The following MIPOL1 variants were observed in gnomAD, a reference collection of about 807,000 sequenced individuals.
The protein encoded by MIPOL1 is mirror-image polydactyly gene 1 protein.
Under a neutral mutation model 60.9 loss-of-function variants are expected in MIPOL1, and 57 were observed. That is an observed-to-expected ratio of 0.94 (90% CI 0.76 to 1.17). The LOEUF (loss-of-function observed/expected upper bound fraction) is 1.17, where lower values mean the gene tolerates loss of function less well. MIPOL1 is among the 50% of genes most tolerant of loss of function. The pLI is 0.00. For missense variants in MIPOL1, 551 were observed against 511.6 expected, an observed-to-expected ratio of 1.08 and a Z score of -0.74; for synonymous variants, 179 against 168.8, an observed-to-expected ratio of 1.06 and a Z score of -0.47.
intron 10 of MIPOL1, chr14:37,400,100 T>A (rs1441167150): frequency 6.6e-6 from 1 of 152,096 alleles, no homozygotes; most frequent in African/African-American, 2.4e-5. Context: ...CAGAGGACAG[T>A]AATCTCACAC....
intron 11 of MIPOL1, among the ~76,000 whole-genome samples, chr14:37,435,787 A>C (rs189894150): frequency 9.4e-4 from 131 of 138,728 alleles, no homozygotes; most frequent in African/African-American, 3.5e-3. Context: ...TTTTATGTAC[A>C]TGTATTACTT....
At chr14:37,202,300 C>T (rs1396377706) in intron 1 of MIPOL1, among the ~76,000 whole-genome samples, 1 of 151,852 alleles carries the variant, frequency 6.6e-6, no homozygotes, top group Non-Finnish European at 1.5e-5. Flanking sequence ...TTAAGAGGGG[C>T]CTCACCTTCC....
chr14:37,451,809 T>TC (rs1491232865), intron 11 of MIPOL1, among the ~76,000 whole-genome samples: 1 of 1,004 alleles, frequency 1.0e-3, no homozygotes, highest in African/African-American at 1.5e-3. Flanking sequence ...TTATTCTCTC[T>TC]TTTTTTTTTT....
At chr14:37,455,456 C>A (rs889003616) in intron 11 of MIPOL1, among the ~76,000 whole-genome samples, 2 of 152,082 alleles carry the variant, frequency 1.3e-5, no homozygotes, top group Admixed American at 6.6e-5. Flanking sequence ...AGTTTTAAAG[C>A]CTTCTCATTA....
At chr14:37,368,411 G>A (rs1469633750) in intron 9 of MIPOL1, among the ~76,000 whole-genome samples, 1 of 152,080 alleles carries the variant, frequency 6.6e-6, no homozygotes, top group Non-Finnish European at 1.5e-5. Context: ...TGGGTCAGAG[G>A]CAGAAGAAAT....
chr14:37,546,748 C>T (rs1416687599), intron 12 of MIPOL1, among the ~76,000 whole-genome samples, 157 bp from the exon 13 acceptor site: 1 of 152,158 alleles, frequency 6.6e-6, no homozygotes, highest in Non-Finnish European at 1.5e-5. Flanking sequence ...ATACTTGGCA[C>T]TCTGTAGCAG....
chr14:37,500,698 G>A (rs2095203625), intron 12 of MIPOL1, among the ~76,000 whole-genome samples: 1 of 152,106 alleles, frequency 6.6e-6, no homozygotes, highest in Admixed American at 6.6e-5. Context: ...TAATCTGTCA[G>A]TCCTTTTGAC....
intron 9 of MIPOL1, among the ~76,000 whole-genome samples, chr14:37,311,635 T>C (rs2087334810): frequency 6.6e-6 from 1 of 152,186 alleles, no homozygotes; most frequent in African/African-American, 2.4e-5. Context: ...TAACTTTGAT[T>C]TTTTAAAAAT....
chr14:37,523,963 T>C (rs1186353927), intron 12 of MIPOL1, among the ~76,000 whole-genome samples: 2 of 152,224 alleles, frequency 1.3e-5, no homozygotes, highest in African/African-American at 4.8e-5. Flanking sequence ...AGCAAATAAC[T>C]TGGCTTGTTG....
At chr14:37,237,895 C>A (rs546974268) in intron 1 of MIPOL1, among the ~76,000 whole-genome samples, 4 of 152,230 alleles carry the variant, frequency 2.6e-5, no homozygotes, top group Admixed American at 6.5e-5. Flanking sequence ...TGCTCACTGA[C>A]TGTTATGGTT....
intron 12 of MIPOL1, among the ~76,000 whole-genome samples, chr14:37,516,104 A>C (rs1195453145): frequency 6.6e-6 from 1 of 152,194 alleles, no homozygotes; most frequent in Non-Finnish European, 1.5e-5. Flanking sequence ...GCAGATGGTC[A>C]CCTCCAGCCT....
At chr14:37,230,941 A>G (rs1208802344) in intron 1 of MIPOL1, among the ~76,000 whole-genome samples, 1 of 152,124 alleles carries the variant, frequency 6.6e-6, no homozygotes, top group Non-Finnish European at 1.5e-5. Context: ...ATTTTATTCC[A>G]TATATCTCTA....
chr14:37,430,467 C>T (rs1476026646), intron 11 of MIPOL1, among the ~76,000 whole-genome samples: 3 of 150,364 alleles, frequency 2.0e-5, no homozygotes, highest in Non-Finnish European at 1.5e-5. Flanking sequence ...TTATTGGTGA[C>T]TCTGGAATGT....
intron 6 of MIPOL1, among the ~76,000 whole-genome samples, chr14:37,281,858 A>G (rs1170957476): frequency 2.0e-5 from 3 of 152,200 alleles, no homozygotes; most frequent in Admixed American, 6.5e-5. Flanking sequence ...GAAGAATTAC[A>G]GTAGAATTTT....
intron 9 of MIPOL1, among the ~76,000 whole-genome samples, chr14:37,353,494 A>C (rs867621396): frequency 3.0e-4 from 46 of 152,136 alleles, no homozygotes; most frequent in African/African-American, 9.6e-4. Context: ...CCAGTTCCTC[A>C]TTGTACCTCT....
At chr14:37,313,537 A>T (rs1050414831) in intron 9 of MIPOL1, among the ~76,000 whole-genome samples, 1 of 152,258 alleles carries the variant, frequency 6.6e-6, no homozygotes, top group Non-Finnish European at 1.5e-5. Context: ...TGAATAAGTC[A>T]GGTATGAGAA....
At chr14:37,466,527 AG>A (rs932033369) in intron 11 of MIPOL1, among the ~76,000 whole-genome samples, 2 of 152,166 alleles carry the variant, frequency 1.3e-5, no homozygotes, top group Admixed American at 1.3e-4. Flanking sequence ...GGCTTTGGAC[AG>A]GGGGGCAGTT....
chr14:37,544,999 A>G (rs1486102171), intron 12 of MIPOL1, among the ~76,000 whole-genome samples: 1 of 152,192 alleles, frequency 6.6e-6, no homozygotes, highest in East Asian at 1.9e-4. Context: ...GATTCCACTG[A>G]TTCTGAATTT....
rs1300098133 is a variant in MIPOL1 at position 37,247,233 on chromosome 14, T to C, written c.-68T>C. 1 of 152,434 alleles carries C rather than the reference T, an allele frequency of 6.6e-6. No homozygotes were observed. Among genetic ancestry groups the C allele is most frequent in the Admixed American group, 6.6e-5 (1 of 15,238 alleles). The allele number at this position is 152,434 out of a possible 1,614,324, so 9.4% of individuals were successfully genotyped here. A position where few individuals can be genotyped will look rare whatever the true frequency, so the allele number is the denominator to read the frequency against. On this transcript the variant is annotated 5_prime_UTR_variant, in exon 2 of 13. Transcript: ENST00000684589. ...ACTTTTTAAAGAACGCTGGGTTCTA[T>C]CTGTGAGGTAAATCTAATTTTATTC...
Sources: allele counts gnomAD v4.1 joint callset (sites outside exome capture counted in the v4.1 genomes callset), GRCh38; gene constraint gnomAD v4.1.1; transcripts MANE v1.5; gene names NCBI Gene and HGNC (gene_info 2026-07-23, HGNC 2026-07-21).